RPS6KA3: variants seen among roughly 807,000 people sequenced by gnomAD.
RPS6KA3 encodes the protein ribosomal protein S6 kinase alpha-3.
Under a neutral mutation model 67.2 loss-of-function variants are expected in RPS6KA3, and 4 were observed. The observed-to-expected ratio is 0.06, with a 90% CI of 0.03 to 0.14. The LOEUF is 0.14. RPS6KA3 is among the 10% of genes least tolerant of loss of function. RPS6KA3 has a pLI of 1.00. For synonymous variants in RPS6KA3, 182 were observed against 183.7 expected (o/e 0.99, Z 0.07); for missense variants, 204 against 559.0 (o/e 0.36, Z 6.40).
chrX:20,236,479 T>G (rs1177695771), intron 1 of RPS6KA3, among the ~76,000 whole-genome samples: 1 of 111,675 alleles, frequency 9.0e-6, no homozygotes, highest in Admixed American at 9.5e-5. Flanking sequence ...GCTCTAAATA[T>G]GAACTCCCCT....
chrX:20,262,863 A>G (rs190549611), intron 1 of RPS6KA3, among the ~76,000 whole-genome samples: 297 of 112,061 alleles, frequency 2.7e-3, no homozygotes, highest in Non-Finnish European at 3.8e-3. Context: ...TAATATTGAT[A>G]TAGTAGAAAT....
intron 19 of RPS6KA3, 103 bp downstream of exon 19, chrX:20,162,861 A>G (rs913421632): frequency 2.0e-5 from 12 of 611,628 alleles, no homozygotes; most frequent in Non-Finnish European, 2.8e-5. Flanking sequence ...GAAAAAGCAA[A>G]CAAACAAACA....
intron 1 of RPS6KA3, among the ~76,000 whole-genome samples, chrX:20,265,004 T>C (rs2147093445): frequency 8.9e-6 from 1 of 112,510 alleles, no homozygotes; most frequent in South Asian, 3.6e-4. Flanking sequence ...ATTTATAGTA[T>C]TAGTCTGGTT....
intron 2 of RPS6KA3, among the ~76,000 whole-genome samples, chrX:20,228,801 A>C (rs985250064): frequency 9.0e-6 from 1 of 111,496 alleles, no homozygotes; most frequent in African/African-American, 3.3e-5. Flanking sequence ...TCTGCTTTTC[A>C]TATTTATATC....
At position 20,266,608 on chromosome X, in the gene RPS6KA3, G is replaced by T; in HGVS notation, c.25C>A (p.Pro9Thr). Reference sequence around the variant, plus strand: ...CTCTCCACAGCCATCTTCTGCCACGGGTCCGCCAGCTGCGCCAGCGGCATC... The same window carrying T: ...CTCTCCACAGCCATCTTCTGCCACGTGTCCGCCAGCTGCGCCAGCGGCATC... MPLAQLAD[P>T]WQKMAVESPS... is the part of the protein sequence containing the mutation. The change falls in exon 1 of 22, where the codon CCG becomes ACG. Residue 9 changes from proline to threonine, a missense_variant. Around this residue, in one of 4 missense-constraint regions of RPS6KA3, gnomAD observed 31 missense variants for 42.5 expected, o/e 0.73. Transcript: ENST00000379565. 8.7e-7 allele frequency: 1 copy of T among 1,148,367 alleles called. No homozygotes were observed. 94.6% of individuals were successfully genotyped at this position (1,148,367 alleles called of 1,213,427 possible).
intron 18 of RPS6KA3, among the ~76,000 whole-genome samples, chrX:20,163,837 T>C (rs1433291025): frequency 1.8e-5 from 2 of 111,406 alleles, no homozygotes; most frequent in East Asian, 5.6e-4. Context: ...CTTGGCTTAT[T>C]TTTATATTTT....
At position 20,250,159 on chromosome X, in the gene RPS6KA3, T is replaced by A. The variant is rs953241698; in HGVS notation, c.70-15345A>T. Among the ~76,000 whole-genome samples the A allele has an allele frequency of 1.8e-5, 2 of 111,629 alleles. 1 individual carries two copies. The highest frequency in any genetic ancestry group is 3.8e-5 in the Non-Finnish European group (2 of 53,123). ...ACTACAGTATTTTGAGTACTGGATATAGTAAGTCTTAAAATCATTTGGAAG... is the reference window on the plus strand; with the variant it reads ...ACTACAGTATTTTGAGTACTGGATAAAGTAAGTCTTAAAATCATTTGGAAG... On this transcript the variant is annotated intron_variant, in intron 1 of 21. Transcript: ENST00000379565.
At chrX:20,163,252 T>C (rs1688173417) in intron 18 of RPS6KA3, among the ~76,000 whole-genome samples, 2 of 112,121 alleles carry the variant, frequency 1.8e-5, no homozygotes, top group South Asian at 7.3e-4. Context: ...TTAATATTTA[T>C]TGAGTGCTGT....
At position 20,193,560 on chromosome X, in the gene RPS6KA3, A is replaced by G. The variant is rs1447825630; in HGVS notation, c.520T>C (p.Leu174=). ...TCTAAAGCAAGTGCAAGTTCAGCCAAGTAGAATTTGACATCTTCTTCTGTG... is the reference window on the plus strand; with the variant it reads ...TCTAAAGCAAGTGCAAGTTCAGCCAGGTAGAATTTGACATCTTCTTCTGTG... ...MFTEEDVKFY[L]AELALALDHL... Residue 174 remains leucine, a synonymous_variant, in exon 7 of 22, where the codon TTG becomes CTG. Coordinates refer to ENST00000379565, the MANE Select transcript of RPS6KA3 (RefSeq NM_004586.3). 4 of 1,192,237 alleles carry G rather than the reference A, an allele frequency of 3.4e-6. No individual in the cohort carries two copies. Among genetic ancestry groups the G allele is most frequent in the Non-Finnish European group, 2.3e-6 (2 of 878,302 alleles).
chrX:20,266,945 G>GA (rs1555972769), upstream of RPS6KA3: 1 of 699,361 alleles, frequency 1.4e-6, no homozygotes, highest in Non-Finnish European at 1.7e-6. Context: ...CTACGGCTCC[G>GA]CCCCCCCCGC....
In RPS6KA3 at chrX:20,186,703, C is replaced by A. The variant is rs535051089; in HGVS notation, c.775-337G>T. ...CATCTCCTGGGCTCAAGCAATTCTC[C>A]CACCTCAGCCTCTCAAAGTGCTGGG... is the stretch of plus-strand genomic sequence containing the variant. On this transcript the variant is annotated intron_variant, in intron 9 of 21. Coordinates refer to ENST00000379565, the MANE Select transcript of RPS6KA3 (RefSeq NM_004586.3). 4.8e-4 allele frequency among the ~76,000 whole-genome samples: 54 copies of A among 111,816 alleles called. No homozygotes were observed. In the South Asian group the frequency reaches 0.02, roughly 41 times the overall value.
chrX:20,255,813 A>G (rs1322221153), intron 1 of RPS6KA3, among the ~76,000 whole-genome samples: 1 of 100,885 alleles, frequency 9.9e-6, no homozygotes, highest in Non-Finnish European at 2.0e-5. Flanking sequence ...AAAAAAAAAA[A>G]AAAAAAGGAA....
chrX:20,223,536 G>C (rs1352384689), intron 2 of RPS6KA3, among the ~76,000 whole-genome samples: 1 of 111,654 alleles, frequency 9.0e-6, no homozygotes, highest in Non-Finnish European at 1.9e-5. Flanking sequence ...TTTCATATTG[G>C]TATACTGTTA....
Position 20,175,435 on chromosome X carries a change from G to C in RPS6KA3, c.1103-147C>G, listed in dbSNP as rs576195799. Reference sequence around the variant, plus strand: ...CTCTTGCTTTCCAGGATACCTGTGAGGCACTGTATCAGATCTGTTCTGATT... The same window carrying C: ...CTCTTGCTTTCCAGGATACCTGTGACGCACTGTATCAGATCTGTTCTGATT... On this transcript the variant is annotated intron_variant, in intron 13 of 21. Coordinates refer to ENST00000379565, the MANE Select transcript of RPS6KA3 (RefSeq NM_004586.3). The C allele has an allele frequency of 1.1e-4, 60 of 564,280 alleles. No individual in the cohort carries two copies. The South Asian group carries it at 1.5e-3, about 15-fold the overall frequency. The allele number at this position is 564,280 out of a possible 1,213,427, so 46.5% of individuals were successfully genotyped here. A position where few individuals can be genotyped will look rare whatever the true frequency, so the allele number is the denominator to read the frequency against.
rs183791591 is a variant in RPS6KA3 at position 20,175,644 on chromosome X, T to C, written c.1103-356A>G. 1.3e-3 allele frequency among the ~76,000 whole-genome samples: 144 copies of C among 112,171 alleles called. 1 individual carries two copies. Among genetic ancestry groups the C allele is most frequent in the Middle Eastern group, 9.2e-3 (2 of 218 alleles). ...ACTTTACAGTCTGATAGCCACTAGC[T>C]ACATGCAGCTTTTCGACATTTGAAA... On this transcript the variant is annotated intron_variant, in intron 13 of 21. Coordinates refer to ENST00000379565, the MANE Select transcript of RPS6KA3 (RefSeq NM_004586.3).
chrX:20,266,587 C>T lies in RPS6KA3; in HGVS notation c.46G>A (p.Glu16Lys). Residue 16 changes from glutamate to lysine, a missense_variant, in exon 1 of 22, where the codon GAG (glutamate) becomes AAG (lysine). By Grantham distance (56) the Glu-to-Lys change is moderately conservative (BLOSUM62 1). Transcript: ENST00000379565. The part of the protein sequence containing the change: ...LADPWQKMAV[E>K]SPSDSAENGQ... ...ACCTCAGCGCTGTCGGACGGGCTCTCCACAGCCATCTTCTGCCACGGGTCC... is the reference window on the plus strand; with the variant it reads ...ACCTCAGCGCTGTCGGACGGGCTCTTCACAGCCATCTTCTGCCACGGGTCC... 1.7e-6 allele frequency: 2 copies of T among 1,153,278 alleles called. No homozygotes were observed. The highest frequency in any genetic ancestry group is 2.3e-6 in the Non-Finnish European group (2 of 868,882).
intron 2 of RPS6KA3, among the ~76,000 whole-genome samples, chrX:20,209,832 T>G (rs976815925): frequency 2.7e-5 from 3 of 112,336 alleles, no homozygotes; most frequent in Non-Finnish European, 3.8e-5. Context: ...GAACTAATGC[T>G]ATTTAAAAAA....
At chrX:20,237,363 C>A (rs778063193) in intron 1 of RPS6KA3, among the ~76,000 whole-genome samples, 1 of 111,738 alleles carries the variant, frequency 8.9e-6, no homozygotes, top group Admixed American at 9.5e-5. Flanking sequence ...TTGAGCTACA[C>A]GTACGTTTTT....
At chrX:20,262,630 T>C (rs1318301749) in intron 1 of RPS6KA3, among the ~76,000 whole-genome samples, 1 of 111,643 alleles carries the variant, frequency 9.0e-6, no homozygotes, top group Non-Finnish European at 1.9e-5. Flanking sequence ...TCATAATCAC[T>C]GAAAACAATG....
Sources: allele counts gnomAD v4.1 joint callset (sites outside exome capture counted in the v4.1 genomes callset), GRCh38; gene constraint gnomAD v4.1.1; regional missense constraint gnomAD v4.1.1; transcripts MANE v1.5; gene names NCBI Gene and HGNC (gene_info 2026-07-23, HGNC 2026-07-21).